RAB8B: variants seen among roughly 807,000 people sequenced by gnomAD.
The protein encoded by RAB8B is ras-related protein Rab-8B.
RAB8B carries 11 observed loss-of-function variants against 32.0 expected under a neutral mutation model. The observed-to-expected ratio is 0.34, with a 90% CI of 0.22 to 0.57. The LOEUF is 0.57. Among genes scored for constraint, RAB8B ranks in the 20% least tolerant of loss-of-function variants. RAB8B has a pLI of 0.86. For missense variants in RAB8B, 190 were observed against 258.5 expected, an observed-to-expected ratio of 0.73 and a Z score of 1.82; for synonymous variants, 103 against 89.6, an observed-to-expected ratio of 1.15 and a Z score of -0.85.
chr15:63,260,553 ATGAGAATAGGTT>A (rs1350298449), intron 6 of RAB8B, among the ~76,000 whole-genome samples: 1 of 152,186 alleles, frequency 6.6e-6, no homozygotes, highest in Non-Finnish European at 1.5e-5. Flanking sequence ...CTAAAGTCTT[ATGAGAATAGGTT>A]TTCTTCAATA....
chr15:63,190,816 T>G (rs1050326664), intron 1 of RAB8B, among the ~76,000 whole-genome samples: 12 of 152,220 alleles, frequency 7.9e-5, no homozygotes, highest in African/African-American at 2.7e-4. Context: ...GAAATGAACT[T>G]ACATTCTACC....
chr15:63,258,356 ACC>A (rs936270569), intron 5 of RAB8B, among the ~76,000 whole-genome samples: 2 of 151,828 alleles, frequency 1.3e-5, no homozygotes, highest in Non-Finnish European at 2.9e-5. Flanking sequence ...GCCTGCCTCG[ACC>A]TCCCAAAGTG....
chr15:63,193,454 C>T (rs1465051347), intron 1 of RAB8B, among the ~76,000 whole-genome samples: 1 of 152,158 alleles, frequency 6.6e-6, no homozygotes, highest in East Asian at 1.9e-4. Flanking sequence ...ACTCGCCTTT[C>T]ACTCCAAATG....
intron 1 of RAB8B, among the ~76,000 whole-genome samples, chr15:63,204,699 C>T (rs1428751618): frequency 6.6e-6 from 1 of 152,226 alleles, no homozygotes; most frequent in Non-Finnish European, 1.5e-5. Flanking sequence ...CCCTAATAAT[C>T]AAGATGCTGC....
At chr15:63,260,414 G>A (rs148564585) in intron 6 of RAB8B, among the ~76,000 whole-genome samples, 24 of 152,288 alleles carry the variant, frequency 1.6e-4, no homozygotes, top group South Asian at 8.3e-4. Flanking sequence ...TTCCTTTAGC[G>A]TACACATTTG....
At chr15:63,213,958 G>C (rs1567011364) in intron 1 of RAB8B, among the ~76,000 whole-genome samples, 1 of 152,042 alleles carries the variant, frequency 6.6e-6, no homozygotes, top group Non-Finnish European at 1.5e-5. Flanking sequence ...GCATGTGTCT[G>C]TAATCCCAGC....
chr15:63,218,471 C>T (rs185048153), intron 1 of RAB8B, among the ~76,000 whole-genome samples: 94 of 152,260 alleles, frequency 6.2e-4, no homozygotes, highest in Non-Finnish European at 1.0e-3. Flanking sequence ...CTCCACTATA[C>T]GGGGTTATCT....
At chr15:63,227,925 TCTTTC>T (rs1482289513) in intron 1 of RAB8B, among the ~76,000 whole-genome samples, 4 of 152,068 alleles carry the variant, frequency 2.6e-5, no homozygotes, top group Non-Finnish European at 4.4e-5. Context: ...CTTTCTTTTC[TCTTTC>T]CTTTCCTTTC....
chr15:63,253,152 A>G (rs2038130792), intron 3 of RAB8B, among the ~76,000 whole-genome samples: 1 of 152,200 alleles, frequency 6.6e-6, no homozygotes, highest in Admixed American at 6.5e-5. Context: ...AGAAGGGAGG[A>G]TAGAGGAGTT....
intron 3 of RAB8B, among the ~76,000 whole-genome samples, chr15:63,253,706 T>C (rs897939178): frequency 6.6e-5 from 10 of 151,990 alleles, no homozygotes; most frequent in Admixed American, 6.6e-4. Context: ...GGGAAATCAA[T>C]TAAAGATGAT....
rs549970599 is a variant in RAB8B, at chr15:63,256,305, G to A, written c.325-200G>A. 4.6e-5 allele frequency among the ~76,000 whole-genome samples: 7 copies of A among 152,286 alleles called. No individual in the cohort carries two copies. In the South Asian group the frequency reaches 6.2e-4, roughly 14 times the overall value. On this transcript the variant is annotated intron_variant, in intron 4 of 7. Transcript: ENST00000321437. ...CCTTCTTTCCAAACCTCGGGAAGAA[G>A]GTTTGCACAGGCTCTGTGAGGGCTC... is the stretch of plus-strand genomic sequence containing the variant.
At chr15:63,215,038 C>T (rs1301500029) in intron 1 of RAB8B, among the ~76,000 whole-genome samples, 1 of 152,116 alleles carries the variant, frequency 6.6e-6, no homozygotes, top group Non-Finnish European at 1.5e-5. Context: ...ACAAGAGATA[C>T]CTGCTGTTGC....
Position 63,267,258 on chromosome 15 carries a change from A to G in RAB8B, c.*3639A>G, listed in dbSNP as rs1039898872. ...AATCTAAATGACTGAAATGTACAGAAATAAAAATTAGCAAACAATTATTCT... is the reference window on the plus strand; with the variant it reads ...AATCTAAATGACTGAAATGTACAGAGATAAAAATTAGCAAACAATTATTCT... On this transcript the variant is annotated 3_prime_UTR_variant, in exon 8 of 8. Transcript: ENST00000321437. 3 of 152,672 alleles carry G rather than the reference A, an allele frequency of 2.0e-5. No individual in the cohort carries two copies. The highest frequency in any genetic ancestry group is 7.2e-5 in the African/African-American group (3 of 41,462). The allele number at this position is 152,672 out of a possible 1,614,324, so 9.5% of individuals were successfully genotyped here. A position where few individuals can be genotyped will look rare whatever the true frequency, so the allele number is the denominator to read the frequency against.
chr15:63,200,566 T>G (rs2037638756), intron 1 of RAB8B, among the ~76,000 whole-genome samples: 1 of 150,682 alleles, frequency 6.6e-6, no homozygotes. Context: ...GGAGGGAGTA[T>G]CCCTTGTACC....
chr15:63,189,787 TGGG>T (rs2037538196), intron 1 of RAB8B, 39 bp downstream of exon 1: 1 of 263,718 alleles, frequency 3.8e-6, no homozygotes, highest in East Asian at 1.3e-4. Context: ...GGTAGAGAAT[TGGG>T]GGGCGGGTAC....
Position 63,259,323 on chromosome 15 carries a change from G to C in RAB8B, c.415-304G>C, listed in dbSNP as rs1433082064. Among the ~76,000 whole-genome samples, 1 of 151,928 alleles carries C rather than the reference G, an allele frequency of 6.6e-6. No individual in the cohort carries two copies. The highest frequency in any genetic ancestry group is 1.5e-5 in the Non-Finnish European group (1 of 67,944). On this transcript the variant is annotated intron_variant, in intron 5 of 7. Transcript: ENST00000321437. This position sits in a 1 kb window ranked among gnomAD's most constrained non-coding sequence, Gnocchi z 4.4. Reference sequence around the variant, plus strand: ...TTTAGTAGAGGCGGGGTTTCATCATGTTAGCAAGGAGGGTCTCGATCTCCT... The same window carrying C: ...TTTAGTAGAGGCGGGGTTTCATCATCTTAGCAAGGAGGGTCTCGATCTCCT...
chr15:63,215,386 G>A (rs895542716), intron 1 of RAB8B, among the ~76,000 whole-genome samples: 3 of 152,114 alleles, frequency 2.0e-5, no homozygotes, highest in Admixed American at 6.5e-5. Flanking sequence ...ATGAAAAACT[G>A]CCTTCTGGTC....
chr15:63,261,119 A>G (rs545366268), intron 6 of RAB8B, among the ~76,000 whole-genome samples: 40 of 152,334 alleles, frequency 2.6e-4, no homozygotes, highest in Middle Eastern at 3.4e-3. Flanking sequence ...AAAGATCTGA[A>G]TAGACATTTC....
In RAB8B at chr15:63,204,255, A is replaced by C. The variant is rs1276481695; in HGVS notation, c.124+14507A>C. Among the ~76,000 whole-genome samples the C allele has an allele frequency of 2.0e-5, 3 of 152,144 alleles. No individual in the cohort carries two copies. The East Asian group carries it at 5.8e-4, about 29-fold the overall frequency. ...GTGCATTTTACAAAGCTAGAATTGGAAATATTTGTCTTTAAATTCATCCCC... is the reference window on the plus strand; with the variant it reads ...GTGCATTTTACAAAGCTAGAATTGGCAATATTTGTCTTTAAATTCATCCCC... On this transcript the variant is annotated intron_variant, in intron 1 of 7. Transcript: ENST00000321437.
Sources: allele counts gnomAD v4.1 joint callset (sites outside exome capture counted in the v4.1 genomes callset), GRCh38; gene constraint gnomAD v4.1.1; non-coding constraint Gnocchi (gnomAD v3.1); transcripts MANE v1.5; gene names NCBI Gene and HGNC (gene_info 2026-07-23, HGNC 2026-07-21).